Variants in ETNK1 observed in about 807,000 individuals in gnomAD.
ETNK1 encodes ethanolamine kinase 1, also known as putative protein product of Nbla10396.
In ETNK1, 8 loss-of-function variants were observed where a neutral mutation model predicts 45.1. That is an observed-to-expected ratio of 0.18 (90% CI 0.10 to 0.32). The LOEUF (loss-of-function observed/expected upper bound fraction) is 0.32. Ranked by LOEUF, ETNK1 falls within the 10% of genes least tolerant of loss-of-function variation. ETNK1 has a pLI of 1.00. For synonymous variants in ETNK1, 152 were observed against 151.9 expected (o/e 1.00, Z -0.01); for missense variants, 302 against 430.6 (o/e 0.70, Z 2.64).
chr12:22,669,564 T>C (rs1391340826), intron 4 of ETNK1, among the ~76,000 whole-genome samples: 2 of 152,196 alleles, frequency 1.3e-5, no homozygotes, highest in Admixed American at 6.5e-5. Flanking sequence ...CATTTTATTT[T>C]CATGCCTGTG....
intron 4 of ETNK1, among the ~76,000 whole-genome samples, chr12:22,663,912 C>T (rs1281826887): frequency 6.6e-6 from 1 of 151,320 alleles, no homozygotes; most frequent in Non-Finnish European, 1.5e-5. Context: ...GGTTTTGATC[C>T]CATAGTATCC....
chr12:22,637,506 G>T (rs1306722725), intron 1 of ETNK1, among the ~76,000 whole-genome samples: 1 of 152,200 alleles, frequency 6.6e-6, no homozygotes, highest in Non-Finnish European at 1.5e-5. Context: ...TGAAATAAAT[G>T]AGGGCAAGAT....
At chr12:22,642,561 C>T (rs1330570422) in intron 1 of ETNK1, among the ~76,000 whole-genome samples, 1 of 151,928 alleles carries the variant, frequency 6.6e-6, no homozygotes, top group African/African-American at 2.4e-5. Context: ...ATTATATAAA[C>T]ACTGGTTAGT....
rs967943380 is a variant in ETNK1, at chr12:22,685,578, A to C, written c.*624A>C. 6.6e-6 allele frequency: 1 copy of C among 151,802 alleles called. No individual in the cohort carries two copies. The highest frequency in any genetic ancestry group is 6.6e-5 in the Admixed American group (1 of 15,244). The allele number at this position is 151,802 out of a possible 1,614,324, so 9.4% of individuals were successfully genotyped here. ...TTAGAAAGTATTTCTTTTTGGGGTA[A>C]TATAACTTAGAATTAAATCCCTGTT... On this transcript the variant is annotated 3_prime_UTR_variant, in exon 8 of 8. Coordinates refer to ENST00000266517, the MANE Select transcript of ETNK1 (RefSeq NM_018638.5).
chr12:22,663,884 A>G (rs1954030352), intron 4 of ETNK1, among the ~76,000 whole-genome samples: 1 of 151,662 alleles, frequency 6.6e-6, no homozygotes, highest in African/African-American at 2.4e-5. Context: ...TGGTTTTATA[A>G]TGTTCATTAG....
rs557861926 is a variant in ETNK1, at chr12:22,632,939, C to T, written c.156+7353C>T. On this transcript the variant is annotated intron_variant, in intron 1 of 7. Transcript: ENST00000266517. ...TATAGTTGTAGTTCTTTTCCATGACCGACTAGCATTCCATTTTAAGAATAT... is the reference window on the plus strand; with the variant it reads ...TATAGTTGTAGTTCTTTTCCATGACTGACTAGCATTCCATTTTAAGAATAT... Among the ~76,000 whole-genome samples, 24 of 152,240 alleles carry T rather than the reference C, an allele frequency of 1.6e-4. No individual in the cohort carries two copies. In the South Asian group the frequency reaches 3.7e-3, roughly 24 times the overall value.
At chr12:22,682,353 T>G in intron 6 of ETNK1, 1 of 446,006 alleles carries the variant, frequency 2.2e-6, no homozygotes, top group South Asian at 1.7e-5. Flanking sequence ...AGTTATCTTT[T>G]TTATAGTTGA....
chr12:22,629,713 T>C (rs1279540331), intron 1 of ETNK1, among the ~76,000 whole-genome samples: 1 of 152,138 alleles, frequency 6.6e-6, no homozygotes, highest in Non-Finnish European at 1.5e-5. Flanking sequence ...GGTAAGCTAA[T>C]GTAGTAAGTT....
intron 3 of ETNK1, 47 bp downstream of exon 3, chr12:22,659,201 C>T: frequency 6.5e-7 from 1 of 1,545,956 alleles, no homozygotes; most frequent in South Asian, 1.2e-5. Context: ...TTGCTTTGCT[C>T]TATGATAGGG....
In ETNK1 at chr12:22,639,496, G is replaced by A. The variant is rs553458949; in HGVS notation, c.157-4267G>A. The stretch of plus-strand genomic sequence containing the variant: ...GCTCTAGACCAGCCTGGCCAACATG[G>A]CGAAACCCCATCTCTACTAAAAATA... On this transcript the variant is annotated intron_variant, in intron 1 of 7. Transcript: ENST00000266517. 3.8e-3 allele frequency among the ~76,000 whole-genome samples: 576 copies of A among 152,252 alleles called. 3 individuals are homozygous for A. Among genetic ancestry groups the A allele is most frequent in the Middle Eastern group, 0.01 (3 of 294 alleles).
Position 22,643,930 on chromosome 12 carries a change from A to G in ETNK1, c.324A>G (p.Gln108=), listed in dbSNP as rs199816170. ...TGCAGGCTCATGGGTGTGCACCACA[A>G]CTCTACTGTACCTTCAATAATGGAC... ...RVLQAHGCAP[Q]LYCTFNNGLC... Residue 108 remains glutamine (Q), a synonymous_variant, in exon 2 of 8, where the codon CAA becomes CAG. Coordinates refer to ENST00000266517, the MANE Select transcript of ETNK1 (RefSeq NM_018638.5). 8.7e-6 allele frequency: 14 copies of G among 1,613,274 alleles called. No individual in the cohort carries two copies. The highest frequency in any genetic ancestry group is 7.6e-6 in the Non-Finnish European group (9 of 1,179,518).
rs1183219877 is a variant in ETNK1 at position 22,660,046 on chromosome 12, A to AC, written c.557+892_557+893insC. Among the ~76,000 whole-genome samples the AC allele has an allele frequency of 8.0e-4, 122 of 151,856 alleles. 1 individual carries two copies. The highest frequency in any genetic ancestry group is 2.8e-3 in the African/African-American group (115 of 41,436). On this transcript the variant is annotated intron_variant, in intron 3 of 7. Coordinates refer to ENST00000266517, the MANE Select transcript of ETNK1 (RefSeq NM_018638.5). ...TCGACACTACCTTTAAAAAAAAAAA[A>AC]AAAAAAAAACACCGCAGTTTTGACC...
chr12:22,659,197 T>G (rs768201811), intron 3 of ETNK1, 43 bp downstream of exon 3: 19 of 1,565,178 alleles, frequency 1.2e-5, no homozygotes, highest in Non-Finnish European at 1.5e-5. Context: ...TACATTGCTT[T>G]GCTCTATGAT....
At chr12:22,638,914 A>G (rs1953691732) in intron 1 of ETNK1, 1 of 152,160 alleles carries the variant, frequency 6.6e-6, no homozygotes, top group African/African-American at 2.4e-5. Context: ...TGTAAACATA[A>G]AAAGTTATTT....
rs1235264079 is a variant in ETNK1 at position 22,686,784 on chromosome 12, T to C, written c.*1830T>C. On this transcript the variant is annotated 3_prime_UTR_variant, in exon 8 of 8. Transcript: ENST00000266517. ...TTAGTGTGAACTTGAAAAATTGTTT[T>C]TGGTGGAATTTTTGTCTGTGGTTAG... The C allele has an allele frequency of 1.3e-5, 2 of 151,752 alleles. No homozygotes were observed. The highest frequency in any genetic ancestry group is 4.8e-5 in the African/African-American group (2 of 41,358). The allele number at this position is 151,752 out of a possible 1,614,324, so 9.4% of individuals were successfully genotyped here.
chr12:22,646,324 T>C (rs989007574), intron 2 of ETNK1, among the ~76,000 whole-genome samples: 5 of 151,762 alleles, frequency 3.3e-5, no homozygotes, highest in Non-Finnish European at 7.4e-5. Context: ...TGTGGTTTTA[T>C]TTTTTTCAAA....
Position 22,685,518 on chromosome 12 carries a change from G to A in ETNK1, c.*564G>A, listed in dbSNP as rs1565450681. 6.6e-6 allele frequency: 1 copy of A among 151,830 alleles called. No individual in the cohort carries two copies. The highest frequency in any genetic ancestry group is 2.4e-5 in the African/African-American group (1 of 41,390). 9.4% of individuals were successfully genotyped at this position (151,830 alleles called of 1,614,324 possible). On this transcript the variant is annotated 3_prime_UTR_variant, in exon 8 of 8. Transcript: ENST00000266517. ...TTTAGGAAGGTGAAATACATTCACTGTCTCTGTTGGTGGTACATCTTGTTG... is the reference window on the plus strand; with the variant it reads ...TTTAGGAAGGTGAAATACATTCACTATCTCTGTTGGTGGTACATCTTGTTG...
chr12:22,625,659 T>C, intron 1 of ETNK1, 73 bp downstream of exon 1: 2 of 1,515,762 alleles, frequency 1.3e-6, no homozygotes, highest in Non-Finnish European at 1.8e-6. Context: ...CACAATCGCC[T>C]CTGTCCCACG....
intron 2 of ETNK1, among the ~76,000 whole-genome samples, chr12:22,651,578 A>G (rs1300086728): frequency 6.6e-6 from 1 of 150,774 alleles, no homozygotes; most frequent in African/African-American, 2.4e-5. Context: ...CATCTTAACC[A>G]TTTTTTAAAA....
Sources: gnomAD v4.1 joint callset for allele counts (sites outside exome capture counted in the v4.1 genomes callset) on GRCh38, gnomAD v4.1.1 for gene constraint, MANE v1.5 for transcripts, NCBI Gene and HGNC (gene_info 2026-07-23, HGNC 2026-07-21) for gene names.